The following LIMCH1 variants were observed in gnomAD, a reference collection of about 807,000 sequenced individuals.
LIMCH1 encodes the protein LIM and calponin homology domains-containing protein 1.
A neutral mutation model predicts 176.5 loss-of-function variants in LIMCH1; 113 were observed. The ratio of observed to expected loss-of-function variants is 0.64; its 90% CI spans 0.55 to 0.75. The LOEUF (loss-of-function observed/expected upper bound fraction) is 0.75. LIMCH1 is among the 30% of genes least tolerant of loss of function. LIMCH1 has a pLI of 0.00. For missense variants in LIMCH1, 1,674 were observed against 1,814.9 expected, an observed-to-expected ratio of 0.92 and a Z score of 1.41; for synonymous variants, 619 against 645.9, an observed-to-expected ratio of 0.96 and a Z score of 0.63.
At chr4:41,467,975 C>A (rs1035721084) in intron 1 of LIMCH1, among the ~76,000 whole-genome samples, 2 of 152,154 alleles carry the variant, frequency 1.3e-5, no homozygotes, top group African/African-American at 4.8e-5. Flanking sequence ...TGATGCTTGT[C>A]AACATTTTGA....
intron 1 of LIMCH1, among the ~76,000 whole-genome samples, chr4:41,571,286 GT>G (rs1210092261): frequency 6.6e-6 from 1 of 152,096 alleles, no homozygotes; most frequent in Non-Finnish European, 1.5e-5. Flanking sequence ...GGGAAAATAA[GT>G]GTGAAGTCTT....
chr4:41,535,071 A>C (rs948917516), upstream of LIMCH1, among the ~76,000 whole-genome samples: 26 of 148,988 alleles, frequency 1.7e-4, no homozygotes, highest in African/African-American at 5.7e-4. Context: ...CTGAGGTAGG[A>C]GAATCACCTG....
chr4:41,671,744 C>T (rs772798799), intron 22 of LIMCH1, 150 bp downstream of exon 22: 8 of 617,102 alleles, frequency 1.3e-5, no homozygotes, highest in East Asian at 8.4e-5. Context: ...GGGTGGATCA[C>T]GAGGTCAGGT....
At position 41,687,895 on chromosome 4, in the gene LIMCH1, C is replaced by A. The variant is rs1437850142; in HGVS notation, c.4144C>A (p.Pro1382Thr). Residue 1382 changes from proline (P) to threonine (T), a missense_variant, in exon 29 of 32, where the codon CCT becomes ACT. This residue lies in a region of LIMCH1 where 1,015 missense variants were observed against 1,102.5 expected (regional missense o/e 0.92). Transcript: ENST00000503057. ...GCCTTTCTCTCCCTGTTCTCCCACC[C>A]CTCCCGGTCAGTCACCAAACAGGTA... ...AGPFSPCSPT[P>T]PGQSPNRSIS... The A allele has an allele frequency of 6.2e-7, 1 of 1,613,560 alleles. No individual in the cohort carries two copies. The highest frequency in any genetic ancestry group is 1.1e-5 in the South Asian group (1 of 91,044).
At chr4:41,496,902 C>T (rs551206960) in intron 2 of LIMCH1, among the ~76,000 whole-genome samples, 7 of 152,240 alleles carry the variant, frequency 4.6e-5, no homozygotes, top group African/African-American at 1.7e-4. Context: ...TAAGACTGTA[C>T]CACTCTCTAG....
intron 1 of LIMCH1, among the ~76,000 whole-genome samples, chr4:41,581,215 A>G (rs1383114135): frequency 6.6e-6 from 1 of 152,126 alleles, no homozygotes; most frequent in Non-Finnish European, 1.5e-5. Flanking sequence ...TATGTATTTA[A>G]GGTGTGCAAC....
chr4:41,676,888 C>T (rs749212003), intron 23 of LIMCH1, among the ~76,000 whole-genome samples: 14 of 152,192 alleles, frequency 9.2e-5, no homozygotes, highest in Admixed American at 7.2e-4. Context: ...GAGGGCTGGG[C>T]GTGGTGGCTC....
intron 1 of LIMCH1, among the ~76,000 whole-genome samples, chr4:41,410,031 T>C (rs1184470506): frequency 1.3e-5 from 2 of 152,218 alleles, no homozygotes; most frequent in Non-Finnish European, 2.9e-5. Context: ...AAAGGTTATG[T>C]TAGGAATTCC....
intron 1 of LIMCH1, chr4:41,361,076 G>A (rs910009038): frequency 1.1e-5 from 6 of 540,790 alleles, no homozygotes; most frequent in African/African-American, 2.0e-5. Flanking sequence ...TCACCCCCCC[G>A]GGCCTCGGCG....
intron 1 of LIMCH1, among the ~76,000 whole-genome samples, chr4:41,390,655 C>T (rs1302577455): frequency 1.3e-5 from 2 of 152,136 alleles, no homozygotes; most frequent in African/African-American, 4.8e-5. Context: ...ATTGGACATT[C>T]CTAAAGTTTC....
intron 1 of LIMCH1, among the ~76,000 whole-genome samples, chr4:41,385,091 G>T (rs1281680263): frequency 6.6e-6 from 1 of 152,180 alleles, no homozygotes. Flanking sequence ...TCTTGAAGTT[G>T]GGAACATTCA....
chr4:41,520,817 A>G (rs1201218813), intron 2 of LIMCH1, among the ~76,000 whole-genome samples: 1 of 152,184 alleles, frequency 6.6e-6, no homozygotes, highest in African/African-American at 2.4e-5. Flanking sequence ...GTGTAGGATT[A>G]TGCTAATTTT....
At chr4:41,665,675 A>G (rs2094797656) in intron 20 of LIMCH1, among the ~76,000 whole-genome samples, 1 of 152,202 alleles carries the variant, frequency 6.6e-6, no homozygotes, top group African/African-American at 2.4e-5. Flanking sequence ...GCTGAAAAAA[A>G]CATAAATTTA....
chr4:41,662,292 A>T (rs1399736067), intron 19 of LIMCH1, among the ~76,000 whole-genome samples: 1 of 152,132 alleles, frequency 6.6e-6, no homozygotes, highest in Non-Finnish European at 1.5e-5. Flanking sequence ...ACCCCTTCTA[A>T]AGTGAACCTA....
intron 8 of LIMCH1, 139 bp from the exon 9 acceptor site, chr4:41,629,353 T>C: frequency 9.7e-7 from 1 of 1,034,980 alleles, no homozygotes; most frequent in South Asian, 1.7e-5. Flanking sequence ...TGATTCCATT[T>C]TTGAGAAAGA....
chr4:41,698,404 G>GT lies in LIMCH1; in HGVS notation c.*1222dup, dbSNP rs1377598075. On this transcript the variant is annotated 3_prime_UTR_variant, in exon 32 of 32. Transcript: ENST00000503057. The stretch of plus-strand genomic sequence containing the variant: ...AGAGAGGAACTCTTGTGGAGAGCTG[G>GT]TTTATTTTCTGCCCTGTGCGACGAG... 6.6e-6 allele frequency: 1 copy of GT among 152,172 alleles called. No individual in the cohort carries two copies. Among genetic ancestry groups the GT allele is most frequent in the Non-Finnish European group, 1.5e-5 (1 of 68,054 alleles). 9.4% of individuals were successfully genotyped at this position (152,172 alleles called of 1,614,324 possible).
intron 1 of LIMCH1, among the ~76,000 whole-genome samples, chr4:41,569,508 C>T (rs1459246317): frequency 6.6e-6 from 1 of 152,168 alleles, no homozygotes; most frequent in South Asian, 2.1e-4. Context: ...GGAGCTTCCT[C>T]TACTTGGAAA....
chr4:41,587,717 C>T (rs1259635565), intron 1 of LIMCH1, among the ~76,000 whole-genome samples: 2 of 152,100 alleles, frequency 1.3e-5, no homozygotes, highest in East Asian at 1.9e-4. Context: ...TCCCTCATGA[C>T]CCCTTCCTGC....
At chr4:41,426,780 G>C (rs1036793532) in intron 1 of LIMCH1, among the ~76,000 whole-genome samples, 2 of 152,206 alleles carry the variant, frequency 1.3e-5, no homozygotes, top group Admixed American at 1.3e-4. Flanking sequence ...CTTCAGCCTT[G>C]CTGAAATTAG....
Sources: gnomAD v4.1 joint callset for allele counts (sites outside exome capture counted in the v4.1 genomes callset) on GRCh38, gnomAD v4.1.1 for gene constraint, gnomAD v4.1.1 regional missense constraint, MANE v1.5 for transcripts, NCBI Gene and HGNC (gene_info 2026-07-23, HGNC 2026-07-21) for gene names.